The following CACNB2 variants were observed in gnomAD, a reference collection of about 807,000 sequenced individuals.
The protein encoded by CACNB2 is calcium voltage-gated channel auxiliary subunit beta 2.
A neutral mutation model predicts 73.3 loss-of-function variants in CACNB2; 42 were observed. The observed-to-expected ratio is 0.57, with a 90% CI of 0.45 to 0.74. The LOEUF (loss-of-function observed/expected upper bound fraction) is 0.74, where lower values mean the gene tolerates loss of function less well. Among genes scored for constraint, CACNB2 ranks in the 30% least tolerant of loss-of-function variants. The pLI, the probability that CACNB2 is intolerant of heterozygous loss-of-function variation, is 0.00. For missense variants in CACNB2, 940 were observed against 853.0 expected (o/e 1.10, Z -1.27); for synonymous variants, 348 against 310.3 (o/e 1.12, Z -1.28).
chr10:18,465,294 T>C (rs2047816648), intron 3 of CACNB2, among the ~76,000 whole-genome samples: 1 of 152,104 alleles, frequency 6.6e-6, no homozygotes, highest in East Asian at 1.9e-4. Context: ...CATGCCACTG[T>C]GTTCCAGCCT....
At chr10:18,166,386 A>C (rs2032854334) in intron 2 of CACNB2, among the ~76,000 whole-genome samples, 1 of 152,012 alleles carries the variant, frequency 6.6e-6, no homozygotes, top group Non-Finnish European at 1.5e-5. Context: ...CTCCCGAGTA[A>C]CTGGGACTAC....
At chr10:18,207,067 G>C (rs1437187470) in intron 2 of CACNB2, among the ~76,000 whole-genome samples, 1 of 152,128 alleles carries the variant, frequency 6.6e-6, no homozygotes, top group Non-Finnish European at 1.5e-5. Flanking sequence ...GGAGTGCTGT[G>C]GCATGATCTC....
intron 3 of CACNB2, among the ~76,000 whole-genome samples, chr10:18,493,559 C>T (rs2049593277): frequency 1.3e-5 from 2 of 152,106 alleles, no homozygotes; most frequent in African/African-American, 4.8e-5. Flanking sequence ...TGACTATACA[C>T]CCAATACTAG....
rs11014123 is a variant in CACNB2 at position 18,412,845 on chromosome 10, C to T, written c.333+10802C>T. Among the ~76,000 whole-genome samples, 3 of 152,346 alleles carry T rather than the reference C, an allele frequency of 2.0e-5. No individual in the cohort carries two copies. The East Asian group carries it at 5.8e-4, about 29-fold the overall frequency. On this transcript the variant is annotated intron_variant, in intron 3 of 13. Transcript: ENST00000324631. ...TGAGCTCTGTAGAGCCCCAAGAGAT[C>T]CATGGATTCTTCTGGAGTCACTGCA...
At chr10:18,331,519 CTTAAA>C (rs1334096967) in intron 2 of CACNB2, among the ~76,000 whole-genome samples, 1 of 149,050 alleles carries the variant, frequency 6.7e-6, no homozygotes, top group African/African-American at 2.5e-5. Flanking sequence ...TTTTTTTTAA[CTTAAA>C]TTAACTGAGA....
chr10:18,363,034 G>T (rs1199812468), intron 2 of CACNB2, among the ~76,000 whole-genome samples: 3 of 152,192 alleles, frequency 2.0e-5, no homozygotes, highest in Admixed American at 6.5e-5. Context: ...CTGATTGTCT[G>T]TGTTGAAGAC....
chr10:18,199,705 G>A (rs970447335), intron 2 of CACNB2, among the ~76,000 whole-genome samples: 9 of 152,158 alleles, frequency 5.9e-5, no homozygotes, highest in African/African-American at 9.7e-5. Context: ...ATCATCTGAC[G>A]TGATATATAC....
At chr10:18,386,098 G>A (rs374506601) in intron 2 of CACNB2, among the ~76,000 whole-genome samples, 2 of 152,096 alleles carry the variant, frequency 1.3e-5, no homozygotes, top group East Asian at 3.9e-4. Flanking sequence ...CAGTGCATTC[G>A]CTTTGCTTGT....
intron 3 of CACNB2, among the ~76,000 whole-genome samples, chr10:18,481,284 T>G (rs2048759306): frequency 4.9e-5 from 6 of 121,842 alleles, no homozygotes; most frequent in Admixed American, 2.8e-4. Context: ...TCTTGCTCTG[T>G]CTCCCAGGCT....
intron 2 of CACNB2, among the ~76,000 whole-genome samples, chr10:18,354,079 T>G (rs1005208041): frequency 3.3e-5 from 5 of 152,178 alleles, no homozygotes; most frequent in Non-Finnish European, 4.4e-5. Context: ...CTGGGTGACA[T>G]TGGACAAATT....
intron 2 of CACNB2, among the ~76,000 whole-genome samples, chr10:18,193,714 G>A (rs951737111): frequency 2.6e-5 from 4 of 152,148 alleles, no homozygotes; most frequent in African/African-American, 9.7e-5. Context: ...AGGAGTGCTT[G>A]TAGAAAGGAA....
chr10:18,202,224 C>G (rs1487614657), intron 2 of CACNB2, among the ~76,000 whole-genome samples: 2 of 152,166 alleles, frequency 1.3e-5, no homozygotes, highest in Non-Finnish European at 2.9e-5. Flanking sequence ...GAAGCCATCA[C>G]AGTATTGCTG....
chr10:18,363,893 A>C lies in CACNB2; in HGVS notation c.214-38031A>C, dbSNP rs547813028. 1.3e-4 allele frequency among the ~76,000 whole-genome samples: 20 copies of C among 151,628 alleles called. No homozygotes were observed. In the South Asian group the frequency reaches 4.0e-3, roughly 30 times the overall value. ...CATAAACTGCTTTAAAAATGTTAAT[A>C]CTGGCAATATTTTTATTAATGCTGT... On this transcript the variant is annotated intron_variant, in intron 2 of 13. Transcript: ENST00000324631.
chr10:18,399,143 T>C (rs1275961828), intron 2 of CACNB2, among the ~76,000 whole-genome samples: 1 of 152,054 alleles, frequency 6.6e-6, no homozygotes, highest in African/African-American at 2.4e-5. Flanking sequence ...AGCGGGGTGA[T>C]TGGGTCTAAC....
intron 2 of CACNB2, among the ~76,000 whole-genome samples, chr10:18,219,911 T>C (rs1379249060): frequency 6.7e-6 from 1 of 150,192 alleles, no homozygotes; most frequent in Admixed American, 6.7e-5. Context: ...CTGGGACAGA[T>C]GCCCGCCACC....
chr10:18,168,009 G>A (rs144571287), intron 2 of CACNB2, among the ~76,000 whole-genome samples: 47 of 152,204 alleles, frequency 3.1e-4, no homozygotes, highest in Non-Finnish European at 5.4e-4. Flanking sequence ...AAGCCACTTA[G>A]GATAGAAACC....
At chr10:18,220,230 T>TAGAGAGAGAG (rs1352080814) in intron 2 of CACNB2, among the ~76,000 whole-genome samples, 21 of 34,438 alleles carry the variant, frequency 6.1e-4, no homozygotes, top group South Asian at 9.7e-4. Flanking sequence ...TATATATATA[T>TAGAGAGAGAG]ATAGAGAGAG....
rs147996223 is a variant in CACNB2, at chr10:18,208,989, G to C, written c.213+58014G>C. Among the ~76,000 whole-genome samples, 717 of 152,256 alleles carry C rather than the reference G, an allele frequency of 4.7e-3. 8 individuals are homozygous for C. Among genetic ancestry groups the C allele is most frequent in the African/African-American group, 0.016 (684 of 41,528 alleles). ...GATGACTGTAAAATCGCTGGAAGTT[G>C]AATGTGCACATTTAAATAGAAACTA... On this transcript the variant is annotated intron_variant, in intron 2 of 13. Transcript: ENST00000324631.
At chr10:18,164,044 G>A (rs574649202) in intron 2 of CACNB2, among the ~76,000 whole-genome samples, 11 of 152,186 alleles carry the variant, frequency 7.2e-5, no homozygotes. Context: ...AGAGTTGGGA[G>A]GTAGAGGTTG....
Sources: gnomAD v4.1 joint callset for allele counts (sites outside exome capture counted in the v4.1 genomes callset) on GRCh38, gnomAD v4.1.1 for gene constraint, MANE v1.5 for transcripts, NCBI Gene and HGNC (gene_info 2026-07-23, HGNC 2026-07-21) for gene names.